Variants in TPRG1 observed in about 807,000 individuals in gnomAD.
TPRG1 encodes tumor protein p63 regulated 1.
A neutral mutation model predicts 29.3 loss-of-function variants in TPRG1; 29 were observed. The observed-to-expected ratio is 0.99, with a 90% CI of 0.74 to 1.35. The LOEUF (loss-of-function observed/expected upper bound fraction) is 1.35. Ranked by LOEUF, TPRG1 falls within the 40% of genes most tolerant of loss-of-function variation. The probability of loss-of-function intolerance (pLI) is 0.00; values close to 1 mark genes in which losing one functional copy is unlikely to be tolerated. For missense variants in TPRG1, 327 were observed against 335.0 expected (o/e 0.98, Z 0.19); for synonymous variants, 130 against 116.8 (o/e 1.11, Z -0.73).
At chr3:189,261,274 CTT>C (rs1712983278) in intron 4 of TPRG1, among the ~76,000 whole-genome samples, 4 of 152,002 alleles carry the variant, frequency 2.6e-5, no homozygotes, top group Admixed American at 2.6e-4. Context: ...ATCTGGCTAA[CTT>C]TTAATTAAGA....
chr3:189,252,063 G>C (rs1309972141), intron 4 of TPRG1, among the ~76,000 whole-genome samples: 1 of 152,128 alleles, frequency 6.6e-6, no homozygotes, highest in Non-Finnish European at 1.5e-5. Flanking sequence ...TGTGTCCCTG[G>C]GTACTTGAGA....
intron 4 of TPRG1, among the ~76,000 whole-genome samples, chr3:189,037,005 G>A (rs2152132396): frequency 6.9e-6 from 1 of 144,434 alleles, no homozygotes; most frequent in African/African-American, 2.6e-5. Context: ...AAAATCCGAG[G>A]CCCAAATGAT....
At chr3:189,083,479 G>A (rs1023959114) in intron 4 of TPRG1, among the ~76,000 whole-genome samples, 1 of 152,230 alleles carries the variant, frequency 6.6e-6, no homozygotes, top group African/African-American at 2.4e-5. Flanking sequence ...AACCACTGGA[G>A]CAGGGAAGGG....
chr3:189,087,917 G>A (rs1249530228), intron 4 of TPRG1, among the ~76,000 whole-genome samples: 1 of 152,176 alleles, frequency 6.6e-6, no homozygotes, highest in Admixed American at 6.5e-5. Flanking sequence ...TAGCCTTGTA[G>A]TATAGTTTGA....
chr3:189,159,840 ATG>A (rs57781182), intron 5 of TPRG1, among the ~76,000 whole-genome samples: 7,098 of 138,278 alleles, frequency 0.051, 388 homozygotes, highest in African/African-American at 0.13. Flanking sequence ...GTGTTTGTGT[ATG>A]TGTGTGTGTG....
At chr3:189,291,180 G>C (rs7622518) in intron 4 of TPRG1, among the ~76,000 whole-genome samples, 75,323 of 151,806 alleles carry the variant, frequency 0.5, 19,008 homozygotes, top group Non-Finnish European at 0.52. Flanking sequence ...AGATTACAGG[G>C]GTGAGCCACC....
At chr3:189,055,840 C>T (rs1375087666) in intron 4 of TPRG1, among the ~76,000 whole-genome samples, 1 of 152,112 alleles carries the variant, frequency 6.6e-6, no homozygotes, top group East Asian at 1.9e-4. Flanking sequence ...GTACTACACC[C>T]ATTATGATCT....
intron 1 of TPRG1, among the ~76,000 whole-genome samples, chr3:189,111,866 C>A (rs1265732412): frequency 6.6e-6 from 1 of 152,118 alleles, no homozygotes; most frequent in Non-Finnish European, 1.5e-5. Flanking sequence ...ATACTGAGAA[C>A]ATCTTTGCCT....
At chr3:189,167,974 A>T (rs528222125), upstream of TPRG1, among the ~76,000 whole-genome samples, 2 of 152,322 alleles carry the variant, frequency 1.3e-5, no homozygotes, top group Middle Eastern at 3.4e-3. Context: ...TAGGCTTTCT[A>T]ACTTCCATGC....
intron 4 of TPRG1, among the ~76,000 whole-genome samples, chr3:189,036,583 G>C (rs1458857196): frequency 1.3e-5 from 2 of 151,586 alleles, no homozygotes; most frequent in Non-Finnish European, 2.9e-5. Context: ...AGACAAAGGA[G>C]GAATAATAAA....
At chr3:189,003,912 G>T (rs1367857216) in intron 2 of TPRG1, among the ~76,000 whole-genome samples, 1 of 152,108 alleles carries the variant, frequency 6.6e-6, no homozygotes, top group Non-Finnish European at 1.5e-5. Flanking sequence ...CTTGGGGGTA[G>T]TGGGGGATTT....
chr3:189,023,793 TCA>T (rs1713507970), exon 4 of TPRG1: 1 of 152,376 alleles, frequency 6.6e-6, no homozygotes, highest in South Asian at 2.1e-4. Context: ...CATAGATGCC[TCA>T]GTTTTTGCAG....
chr3:189,065,117 C>T (rs560005028), intron 4 of TPRG1, among the ~76,000 whole-genome samples: 1 of 152,124 alleles, frequency 6.6e-6, no homozygotes, highest in South Asian at 2.1e-4. Flanking sequence ...CTCAAGGCTG[C>T]AGTGAGCTAA....
intron 4 of TPRG1, among the ~76,000 whole-genome samples, chr3:189,054,119 A>G (rs1715506730): frequency 6.6e-6 from 1 of 152,116 alleles, no homozygotes; most frequent in Non-Finnish European, 1.5e-5. Context: ...ATTTAAAATG[A>G]GAGACATGCA....
At chr3:189,160,682 A>C (rs6766978) in intron 5 of TPRG1, among the ~76,000 whole-genome samples, 1 of 152,020 alleles carries the variant, frequency 6.6e-6, no homozygotes, top group Admixed American at 6.5e-5. Flanking sequence ...ACTCCAGGGA[A>C]AGGCAAAAGC....
intron 4 of TPRG1, among the ~76,000 whole-genome samples, chr3:189,058,346 T>A (rs1010248954): frequency 4.6e-5 from 7 of 152,362 alleles, no homozygotes; most frequent in South Asian, 2.1e-4. Flanking sequence ...ATTTTCTTTG[T>A]ACTCAGGAGT....
intron 5 of TPRG1, among the ~76,000 whole-genome samples, chr3:189,157,080 C>T (rs1337412592): frequency 1.3e-5 from 2 of 152,214 alleles, no homozygotes; most frequent in African/African-American, 4.8e-5. Context: ...CCTGCTGTCA[C>T]TCTCTCTTTT....
At chr3:189,216,145 C>A (rs746945899) in intron 3 of TPRG1, among the ~76,000 whole-genome samples, 1 of 152,010 alleles carries the variant, frequency 6.6e-6, no homozygotes, top group Non-Finnish European at 1.5e-5. Context: ...ACTACGGAAG[C>A]CTTAATATTA....
chr3:189,107,035 T>C (rs180829625), intron 1 of TPRG1, among the ~76,000 whole-genome samples: 466 of 152,270 alleles, frequency 3.1e-3, no homozygotes, highest in Non-Finnish European at 5.5e-3. Context: ...AGCATTTGTT[T>C]TTTTTGGAAG....
Sources: gnomAD v4.1 joint callset for allele counts (sites outside exome capture counted in the v4.1 genomes callset) on GRCh38, gnomAD v4.1.1 for gene constraint, MANE v1.5 for transcripts, NCBI Gene and HGNC (gene_info 2026-07-23, HGNC 2026-07-21) for gene names.